MAGI2: variants seen among roughly 807,000 people sequenced by gnomAD.
MAGI2 encodes membrane associated guanylate kinase, WW and PDZ domain containing 2.
A neutral mutation model predicts 133.3 loss-of-function variants in MAGI2; 35 were observed. The ratio of observed to expected loss-of-function variants is 0.26; its 90% CI spans 0.20 to 0.35. The LOEUF (loss-of-function observed/expected upper bound fraction) is 0.35, where lower values mean the gene tolerates loss of function less well. Among genes scored for constraint, MAGI2 ranks in the 10% least tolerant of loss-of-function variants. The pLI is 1.00. For synonymous variants in MAGI2, 729 were observed against 710.6 expected, an observed-to-expected ratio of 1.03 and a Z score of -0.41; for missense variants, 1,636 against 1,863.4, an observed-to-expected ratio of 0.88 and a Z score of 2.25.
At chr7:78,069,557 A>AGAGAGAGAGAGAGAGAGAGAGAGAGAGAG (rs1814256415) in intron 21 of MAGI2, among the ~76,000 whole-genome samples, 27 of 151,446 alleles carry the variant, frequency 1.8e-4, no homozygotes, top group Admixed American at 1.8e-3. Context: ...AGAGAGAGAG[A>AGAGAGAGAGAGAGAGAGAGAGAGAGAGAG]GAGAGAGAGA....
At chr7:78,561,719 A>C (rs1280315863) in intron 3 of MAGI2, among the ~76,000 whole-genome samples, 1 of 152,192 alleles carries the variant, frequency 6.6e-6, no homozygotes, top group African/African-American at 2.4e-5. Flanking sequence ...GGTTGGGCAG[A>C]TTTCAACCAA....
intron 3 of MAGI2, among the ~76,000 whole-genome samples, chr7:78,586,132 A>G (rs1803378238): frequency 6.6e-6 from 1 of 152,230 alleles, no homozygotes; most frequent in Admixed American, 6.5e-5. Flanking sequence ...GGAATAGCGT[A>G]GCGTGCTCTA....
chr7:78,930,955 C>A (rs1035957343), intron 2 of MAGI2, among the ~76,000 whole-genome samples: 4 of 152,086 alleles, frequency 2.6e-5, no homozygotes, highest in African/African-American at 9.6e-5. Context: ...AATGCCACTG[C>A]GAAACGAATT....
At chr7:78,237,676 A>C (rs1029516221) in intron 10 of MAGI2, among the ~76,000 whole-genome samples, 14 of 152,146 alleles carry the variant, frequency 9.2e-5, no homozygotes, top group African/African-American at 3.1e-4. Context: ...TTCTCAGTGC[A>C]TGGAATTTTG....
chr7:78,901,004 C>T (rs546066529), intron 2 of MAGI2, among the ~76,000 whole-genome samples: 3 of 152,238 alleles, frequency 2.0e-5, no homozygotes, highest in Admixed American at 6.5e-5. Flanking sequence ...AGCCAAGCAG[C>T]CATCTTGCTA....
intron 3 of MAGI2, among the ~76,000 whole-genome samples, chr7:78,529,759 C>T (rs1203987099): frequency 1.5e-5 from 2 of 135,700 alleles, no homozygotes; most frequent in Non-Finnish European, 3.1e-5. Context: ...TCAAGCCTTC[C>T]TCCTACCTTG....
chr7:78,627,996 GTTCC>G (rs898248720), intron 2 of MAGI2, among the ~76,000 whole-genome samples: 1 of 152,118 alleles, frequency 6.6e-6, no homozygotes, highest in African/African-American at 2.4e-5. Flanking sequence ...TGGGACCACT[GTTCC>G]TGACTCCTCC....
At chr7:79,277,962 G>A (rs911984279) in intron 1 of MAGI2, among the ~76,000 whole-genome samples, 2 of 152,074 alleles carry the variant, frequency 1.3e-5, no homozygotes, top group Non-Finnish European at 2.9e-5. Context: ...CAATCATATT[G>A]ACCAACCTCC....
intron 10 of MAGI2, among the ~76,000 whole-genome samples, chr7:78,238,107 T>C (rs990831371): frequency 2.0e-5 from 3 of 152,072 alleles, no homozygotes; most frequent in African/African-American, 7.2e-5. Flanking sequence ...AAGTTATGTG[T>C]TTTTGGCCTT....
chr7:78,244,167 TAA>T (rs535442682), intron 10 of MAGI2, among the ~76,000 whole-genome samples: 1,155 of 68,794 alleles, frequency 0.017, 7 homozygotes, highest in African/African-American at 0.053. Flanking sequence ...CTATTTAAAT[TAA>T]AAAAAAAAAA....
chr7:78,822,666 A>C (rs1304684581), intron 2 of MAGI2, among the ~76,000 whole-genome samples: 1 of 152,176 alleles, frequency 6.6e-6, no homozygotes, highest in Non-Finnish European at 1.5e-5. Context: ...ATATAAGGGT[A>C]GGTATATACT....
chr7:79,119,844 A>G (rs1227004366), intron 1 of MAGI2, among the ~76,000 whole-genome samples: 2 of 152,098 alleles, frequency 1.3e-5, no homozygotes, highest in South Asian at 2.1e-4. Flanking sequence ...CTTCCTTTAC[A>G]AGGCTAGGGT....
chr7:78,117,233 G>T (rs1819957198), intron 20 of MAGI2, among the ~76,000 whole-genome samples: 1 of 151,770 alleles, frequency 6.6e-6, no homozygotes, highest in South Asian at 2.1e-4. Flanking sequence ...GATACTACAA[G>T]AAAATTATAG....
rs374587396 is a variant in MAGI2, at chr7:78,057,995, A to G, written c.3706+20952T>C. ...TATATGTGTATATATATATATATAT[A>G]TATATATATGTATGAGAAACATCTT... is the stretch of plus-strand genomic sequence containing the variant. On this transcript the variant is annotated intron_variant, in intron 21 of 21. Coordinates refer to ENST00000354212, the MANE Select transcript of MAGI2 (RefSeq NM_012301.4). 1.8e-3 allele frequency among the ~76,000 whole-genome samples: 56 copies of G among 30,384 alleles called. 3 individuals carry two copies. Among genetic ancestry groups the G allele is most frequent in the East Asian group, 3.0e-3 (1 of 338 alleles). 19.9% of individuals were successfully genotyped at this position (30,384 alleles called of 152,430 possible). A position where few individuals can be genotyped will look rare whatever the true frequency, so the allele number is the denominator to read the frequency against.
chr7:78,336,915 G>A (rs184355070), intron 9 of MAGI2, among the ~76,000 whole-genome samples: 25 of 152,156 alleles, frequency 1.6e-4, no homozygotes, highest in Non-Finnish European at 3.5e-4. Context: ...AAAAATGAAC[G>A]GGTTATGAGT....
At chr7:78,776,794 A>G (rs1392704112) in intron 2 of MAGI2, among the ~76,000 whole-genome samples, 1 of 152,242 alleles carries the variant, frequency 6.6e-6, no homozygotes, top group African/African-American at 2.4e-5. Flanking sequence ...TTTGCAAACT[A>G]TAGGCAAGCA....
intron 1 of MAGI2, among the ~76,000 whole-genome samples, chr7:79,097,262 C>G (rs2129542941): frequency 6.6e-6 from 1 of 152,254 alleles, no homozygotes; most frequent in Admixed American, 6.5e-5. Context: ...AGTCACAATT[C>G]AGTACAAAGA....
intron 6 of MAGI2, among the ~76,000 whole-genome samples, chr7:78,411,358 ACTTT>A (rs1415568624): frequency 4.6e-5 from 7 of 152,028 alleles, no homozygotes; most frequent in African/African-American, 1.7e-4. Flanking sequence ...GAGATTTCTT[ACTTT>A]ATCTTTGAAT....
chr7:79,186,223 TATATATATATATATA>T lies in MAGI2; in HGVS notation c.302-179032_302-179018del, dbSNP rs1562973041. On this transcript the variant is annotated intron_variant, in intron 1 of 21. Transcript: ENST00000354212. ...ATATATATATATATATATATATATA[TATATATATATATATA>T]TATATTTATATTTATTTATTTATAA... Among the ~76,000 whole-genome samples the T allele has an allele frequency of 7.0e-5, 9 of 127,806 alleles. 1 individual carries two copies. The highest frequency in any genetic ancestry group is 2.3e-4 in the African/African-American group (8 of 35,156). 83.8% of individuals were successfully genotyped at this position (127,806 alleles called of 152,430 possible). A position where few individuals can be genotyped will look rare whatever the true frequency, so the allele number is the denominator to read the frequency against.
Sources: gnomAD v4.1 joint callset for allele counts (sites outside exome capture counted in the v4.1 genomes callset) on GRCh38, gnomAD v4.1.1 for gene constraint, MANE v1.5 for transcripts, NCBI Gene and HGNC (gene_info 2026-07-23, HGNC 2026-07-21) for gene names.